PTPRK: variants seen among roughly 807,000 people sequenced by gnomAD.
PTPRK encodes the protein protein tyrosine phosphatase receptor type K.
PTPRK carries 75 observed loss-of-function variants against 178.0 expected under a neutral mutation model. The ratio of observed to expected loss-of-function variants is 0.42; its 90% CI spans 0.35 to 0.51. PTPRK has a LOEUF of 0.51. Among genes scored for constraint, PTPRK ranks in the 20% least tolerant of loss-of-function variants. The pLI, the probability that PTPRK is intolerant of heterozygous loss-of-function variation, is 0.02. For synonymous variants in PTPRK, 637 were observed against 620.6 expected (o/e 1.03, Z -0.39); for missense variants, 1,441 against 1,797.8 (o/e 0.80, Z 3.59).
chr6:127,970,616 G>C (rs750149237), intron 29 of PTPRK, among the ~76,000 whole-genome samples: 3 of 151,684 alleles, frequency 2.0e-5, no homozygotes, highest in Non-Finnish European at 4.4e-5. Flanking sequence ...TACACATTCT[G>C]AACAAACATA....
intron 1 of PTPRK, among the ~76,000 whole-genome samples, chr6:128,504,242 GC>G (rs1400276557): frequency 6.6e-6 from 1 of 152,098 alleles, no homozygotes; most frequent in East Asian, 1.9e-4. Context: ...ATGACATCCT[GC>G]CCCTTCTCTG....
At chr6:128,001,000 GA>G (rs112654675) in intron 15 of PTPRK, among the ~76,000 whole-genome samples, 1,604 of 152,112 alleles carry the variant, frequency 0.011, 32 homozygotes, top group African/African-American at 0.037. Flanking sequence ...GTAGTACAAT[GA>G]GCAGTAAGGT....
At chr6:128,395,642 C>T (rs753876718) in intron 2 of PTPRK, among the ~76,000 whole-genome samples, 30 of 151,762 alleles carry the variant, frequency 2.0e-4, no homozygotes, top group Non-Finnish European at 4.3e-4. Context: ...TGAAAAATTA[C>T]AGTAGTTTAA....
intron 2 of PTPRK, among the ~76,000 whole-genome samples, chr6:128,338,224 T>C (rs1483913984): frequency 6.6e-6 from 1 of 152,124 alleles, no homozygotes; most frequent in East Asian, 1.9e-4. Context: ...AGATAGTAGC[T>C]GTGGCAGTCA....
At chr6:128,047,632 T>A (rs555874451) in intron 13 of PTPRK, among the ~76,000 whole-genome samples, 1 of 152,326 alleles carries the variant, frequency 6.6e-6, no homozygotes, top group South Asian at 2.1e-4. Flanking sequence ...TTCACTATTT[T>A]AAAAATATCA....
At chr6:128,234,560 T>A (rs1812877394) in intron 5 of PTPRK, among the ~76,000 whole-genome samples, 1 of 152,236 alleles carries the variant, frequency 6.6e-6, no homozygotes. Flanking sequence ...AAACTTAATG[T>A]AAATGAAATT....
intron 6 of PTPRK, among the ~76,000 whole-genome samples, chr6:128,205,193 T>C (rs962258007): frequency 1.3e-5 from 2 of 152,054 alleles, no homozygotes; most frequent in Admixed American, 6.6e-5. Flanking sequence ...TCCGCACTTA[T>C]AAGTGATAGC....
At chr6:127,995,901 C>A (rs999875327) in intron 17 of PTPRK, among the ~76,000 whole-genome samples, 5 of 152,040 alleles carry the variant, frequency 3.3e-5, no homozygotes, top group African/African-American at 4.8e-5. Context: ...CTGCACTTTA[C>A]AGCAAATGAG....
intron 3 of PTPRK, among the ~76,000 whole-genome samples, chr6:128,283,882 T>C (rs1822066253): frequency 6.6e-6 from 1 of 152,168 alleles, no homozygotes; most frequent in Admixed American, 6.5e-5. Flanking sequence ...ATTAGCTCAC[T>C]ATACCTAGAC....
chr6:128,143,384 C>A (rs1278736540), intron 7 of PTPRK, among the ~76,000 whole-genome samples: 1 of 152,110 alleles, frequency 6.6e-6, no homozygotes, highest in East Asian at 1.9e-4. Flanking sequence ...TGCTAAATAT[C>A]ATAATACATG....
chr6:128,131,870 T>A (rs1192069176), intron 7 of PTPRK, among the ~76,000 whole-genome samples: 2 of 152,228 alleles, frequency 1.3e-5, no homozygotes, highest in Non-Finnish European at 2.9e-5. Flanking sequence ...AAATGAGTCA[T>A]CACTTTTTTG....
chr6:128,472,266 T>G (rs1391504998), intron 1 of PTPRK, among the ~76,000 whole-genome samples: 2 of 152,258 alleles, frequency 1.3e-5, no homozygotes, highest in Middle Eastern at 3.4e-3. Flanking sequence ...AGCCCGGTTG[T>G]GTTGCTTCTG....
At position 128,010,401 on chromosome 6, in the gene PTPRK, G is replaced by A. The variant is rs1180750836; in HGVS notation, c.2195-1133C>T. Among the ~76,000 whole-genome samples, 4 of 151,196 alleles carry A rather than the reference G, an allele frequency of 2.6e-5. No homozygotes were observed. The Admixed American group carries it at 2.6e-4, about 10-fold the overall frequency. ...CTAAACCTAACCTCATGCCTTTCCAGTGGACAATCTGTTAATCAGCTCTTA... is the reference window on the plus strand; with the variant it reads ...CTAAACCTAACCTCATGCCTTTCCAATGGACAATCTGTTAATCAGCTCTTA... On this transcript the variant is annotated intron_variant, in intron 13 of 29. Coordinates refer to ENST00000368226, the MANE Select transcript of PTPRK (RefSeq NM_002844.4).
intron 1 of PTPRK, among the ~76,000 whole-genome samples, chr6:128,510,861 A>G (rs1857071960): frequency 6.6e-6 from 1 of 151,716 alleles, no homozygotes; most frequent in Non-Finnish European, 1.5e-5. Flanking sequence ...AAGGAAAATG[A>G]TATATATATA....
chr6:128,321,656 T>C, intron 3 of PTPRK: 1 of 614,318 alleles, frequency 1.6e-6, no homozygotes. Flanking sequence ...GTCTGAAGAT[T>C]ACAATAAACT....
intron 1 of PTPRK, among the ~76,000 whole-genome samples, chr6:128,485,843 G>A (rs763913299): frequency 1.4e-4 from 22 of 152,126 alleles, no homozygotes; most frequent in Admixed American, 9.2e-4. Flanking sequence ...CTGATTCTAC[G>A]AAAAATAATT....
At chr6:128,252,769 C>T (rs1020638683) in intron 3 of PTPRK, among the ~76,000 whole-genome samples, 15 of 152,134 alleles carry the variant, frequency 9.9e-5, no homozygotes, top group African/African-American at 1.7e-4. Flanking sequence ...GTCCCAGTTC[C>T]GACCTCATGA....
intron 1 of PTPRK, among the ~76,000 whole-genome samples, chr6:128,505,564 T>C (rs1158290082): frequency 1.3e-5 from 2 of 152,112 alleles, no homozygotes; most frequent in Non-Finnish European, 2.9e-5. Context: ...GAACACAAAG[T>C]TGCAAATATT....
intron 27 of PTPRK, among the ~76,000 whole-genome samples, chr6:127,975,633 CAATTCTG>C (rs1293985466): frequency 9.2e-5 from 14 of 152,250 alleles, no homozygotes; most frequent in Admixed American, 2.6e-4. Context: ...TTTTCTTTTC[CAATTCTG>C]CTTGTTATTT....
Sources: gnomAD v4.1 joint callset for allele counts (sites outside exome capture counted in the v4.1 genomes callset) on GRCh38, gnomAD v4.1.1 for gene constraint, MANE v1.5 for transcripts, NCBI Gene and HGNC (gene_info 2026-07-23, HGNC 2026-07-21) for gene names.